HS1BP3: variants seen among roughly 807,000 people sequenced by gnomAD.
HS1BP3 encodes the protein HCLS1 binding protein 3.
HS1BP3 carries 32 observed loss-of-function variants against 33.5 expected under a neutral mutation model. The observed-to-expected ratio is 0.95, with a 90% CI of 0.72 to 1.28. The LOEUF (loss-of-function observed/expected upper bound fraction) is 1.28, where lower values mean the gene tolerates loss of function less well. Ranked by LOEUF, HS1BP3 falls within the 50% of genes most tolerant of loss-of-function variation. HS1BP3 has a pLI of 0.00. For missense variants in HS1BP3, 486 were observed against 502.3 expected, an observed-to-expected ratio of 0.97 and a Z score of 0.31; for synonymous variants, 187 against 209.2, an observed-to-expected ratio of 0.89 and a Z score of 0.92.
intron 2 of HS1BP3, among the ~76,000 whole-genome samples, chr2:20,643,731 C>G (rs1695429977): frequency 6.6e-6 from 1 of 151,814 alleles, no homozygotes; most frequent in Non-Finnish European, 1.5e-5. Flanking sequence ...AGTTTGAGAC[C>G]AGCCTGGACA....
At chr2:20,591,398 C>A (rs759884307), downstream of HS1BP3, among the ~76,000 whole-genome samples, 6 of 152,226 alleles carry the variant, frequency 3.9e-5, no homozygotes, top group Non-Finnish European at 8.8e-5. Flanking sequence ...CCACAAAAAG[C>A]CTCAAACATA....
chr2:20,584,933 C>T (rs1375056642), intron 5 of HS1BP3, among the ~76,000 whole-genome samples: 3 of 152,170 alleles, frequency 2.0e-5, no homozygotes, highest in Non-Finnish European at 4.4e-5. Context: ...AGGCTGGAAC[C>T]AAAGCCTTTG....
downstream of HS1BP3, among the ~76,000 whole-genome samples, chr2:20,588,772 T>C (rs992163918): frequency 2.0e-5 from 3 of 152,188 alleles, no homozygotes; most frequent in Non-Finnish European, 4.4e-5. Flanking sequence ...GCAAGCTCCC[T>C]AAAAGCCATG....
At chr2:20,554,505 C>T in the HS1BP3 span, among the ~76,000 whole-genome samples, 1 of 152,120 alleles carries the variant, frequency 6.6e-6, no homozygotes, top group African/African-American at 2.4e-5. Flanking sequence ...GGCGGATCAC[C>T]TGAGGTCAGG....
chr2:20,638,520 C>A lies in HS1BP3; in HGVS notation c.539G>T (p.Gly180Val). The change falls in exon 4 of 7, where the codon GGT (glycine) becomes GTT (valine). Residue 180 changes from glycine to valine, a missense_variant. Gly to Val is a moderately radical substitution (Grantham distance 109, BLOSUM62 -3). Coordinates refer to ENST00000304031, the MANE Select transcript of HS1BP3 (RefSeq NM_022460.4). ...FEEQDQVAEE[G>V]PPVQSLKGED... Reference sequence around the variant, plus strand: ...GCCCTTCAGGCTCTGGACGGGCGGACCCTCTTCTGCCACTTGGTCTTGCTC... The same window carrying A: ...GCCCTTCAGGCTCTGGACGGGCGGAACCTCTTCTGCCACTTGGTCTTGCTC... The A allele has an allele frequency of 6.2e-7, 1 of 1,614,250 alleles. No homozygotes were observed. Among genetic ancestry groups the A allele is most frequent in the Non-Finnish European group, 8.5e-7 (1 of 1,180,042 alleles).
In HS1BP3 at chr2:20,585,415, T is replaced by C. The variant is rs577246670; in HGVS notation, c.303-24900A>G. Among the ~76,000 whole-genome samples, 72 of 152,330 alleles carry C rather than the reference T, an allele frequency of 4.7e-4. 1 individual carries two copies. Among genetic ancestry groups the C allele is most frequent in the African/African-American group, 1.6e-3 (68 of 41,578 alleles). ...TCTGGAAGATAACTATATATTTGCC[T>C]TAACTCTACAAGCATAACTGAATCC... On this transcript the variant is annotated intron_variant, in intron 5 of 5. Coordinates refer to the HS1BP3 transcript ENST00000446825.
chr2:20,645,367 G>GTT lies in HS1BP3; in HGVS notation c.170_171insAA (p.His57GlnfsTer26). ...AGAACTGGACGACATCCTCGGGCCT[G>GTT]TGCTTGGCCGACTTGAACGCAGCCA... On this transcript the variant is annotated frameshift_variant, in exon 2 of 7. Coordinates refer to ENST00000304031, the MANE Select transcript of HS1BP3 (RefSeq NM_022460.4). LOFTEE classifies it high-confidence loss of function. 1 of 1,614,012 alleles carries GTT rather than the reference G, an allele frequency of 6.2e-7. No individual in the cohort carries two copies. Among genetic ancestry groups the GTT allele is most frequent in the Non-Finnish European group, 8.5e-7 (1 of 1,179,990 alleles).
chr2:20,633,033 A>G (rs1695014864), intron 4 of HS1BP3, among the ~76,000 whole-genome samples: 1 of 152,246 alleles, frequency 6.6e-6, no homozygotes, highest in South Asian at 2.1e-4. Context: ...GTAGTGCTCC[A>G]TCTCATTTTA....
chr2:20,600,605 A>T (rs142231329), intron 2 of HS1BP3, among the ~76,000 whole-genome samples: 1 of 152,354 alleles, frequency 6.6e-6, no homozygotes, highest in Admixed American at 6.5e-5. Flanking sequence ...GGACATTCAA[A>T]TGATGATGCT....
intron 5 of HS1BP3, among the ~76,000 whole-genome samples, chr2:20,581,082 A>G (rs1367100322): frequency 1.3e-5 from 2 of 152,204 alleles, no homozygotes; most frequent in African/African-American, 4.8e-5. Context: ...GCCCCAGTGC[A>G]GGCTCTCACA....
intron 4 of HS1BP3, among the ~76,000 whole-genome samples, chr2:20,629,043 G>T (rs895731340): frequency 6.6e-6 from 1 of 152,178 alleles, no homozygotes; most frequent in Non-Finnish European, 1.5e-5. Flanking sequence ...ACAGGCTAGG[G>T]GGAACTTCAG....
At chr2:20,633,743 G>A (rs1018062464) in intron 4 of HS1BP3, among the ~76,000 whole-genome samples, 31 of 152,158 alleles carry the variant, frequency 2.0e-4, no homozygotes, top group African/African-American at 7.2e-4. Context: ...GGCTGGTCTT[G>A]AACTCCTGAT....
At chr2:20,632,452 A>T (rs754979703) in intron 4 of HS1BP3, among the ~76,000 whole-genome samples, 1 of 152,220 alleles carries the variant, frequency 6.6e-6, no homozygotes, top group Non-Finnish European at 1.5e-5. Context: ...CAAGTGTTGG[A>T]CATGGCCTGG....
chr2:20,642,257 G>T (rs76512806), intron 2 of HS1BP3, among the ~76,000 whole-genome samples: 1 of 152,304 alleles, frequency 6.6e-6, no homozygotes, highest in East Asian at 1.9e-4. Flanking sequence ...CCTCGGGCTC[G>T]GGGAGATCCC....
intron 5 of HS1BP3, among the ~76,000 whole-genome samples, chr2:20,563,932 A>G (rs553198979): frequency 6.6e-6 from 1 of 152,312 alleles, no homozygotes; most frequent in African/African-American, 2.4e-5. Flanking sequence ...GCTCGGGGCA[A>G]TGGAACCACT....
intron 1 of HS1BP3, among the ~76,000 whole-genome samples, chr2:20,647,638 C>A (rs891424079): frequency 6.6e-6 from 1 of 152,200 alleles, no homozygotes; most frequent in Non-Finnish European, 1.5e-5. Context: ...CCTGGGCCTA[C>A]TCCATCACCC....
At chr2:20,645,934 G>A (rs1348599264) in intron 1 of HS1BP3, among the ~76,000 whole-genome samples, 2 of 152,200 alleles carry the variant, frequency 1.3e-5, no homozygotes, top group East Asian at 1.9e-4. Context: ...TAATGGGCAG[G>A]AGGGCTGCTA....
rs181154633 is a variant in HS1BP3, at chr2:20,602,847, G to A, written c.179-4582C>T. Among the ~76,000 whole-genome samples the A allele has an allele frequency of 3.3e-3, 501 of 152,242 alleles. 5 individuals carry two copies. The highest frequency in any genetic ancestry group is 0.011 in the African/African-American group (477 of 41,548). On this transcript the variant is annotated intron_variant, in intron 2 of 3. Transcript: ENST00000415264. ...AATTATATATCTGATAAGGTTTATC[G>A]GGAATACATAAGAAGCTCTTTTCGA...
intron 5 of HS1BP3, among the ~76,000 whole-genome samples, chr2:20,566,555 T>G (rs1693132333): frequency 6.6e-6 from 1 of 151,954 alleles, no homozygotes; most frequent in South Asian, 2.1e-4. Flanking sequence ...CTCTCTTGGC[T>G]GCAGTGACAG....
Sources: allele counts gnomAD v4.1 joint callset (sites outside exome capture counted in the v4.1 genomes callset), GRCh38; gene constraint gnomAD v4.1.1; transcripts MANE v1.5; gene names NCBI Gene and HGNC (gene_info 2026-07-23, HGNC 2026-07-21).